Variants in ATP8A2 observed in about 807,000 individuals in gnomAD.
ATP8A2 encodes the protein phospholipid-transporting ATPase IB.
A neutral mutation model predicts 165.6 loss-of-function variants in ATP8A2; 100 were observed. The ratio of observed to expected loss-of-function variants is 0.60; its 90% confidence interval spans 0.51 to 0.71. ATP8A2 has a LOEUF of 0.71. Among genes scored for constraint, ATP8A2 ranks in the 30% least tolerant of loss-of-function variants. The pLI, the probability that ATP8A2 is intolerant of heterozygous loss-of-function variation, is 0.00. For synonymous variants in ATP8A2, 543 were observed against 548.8 expected (o/e 0.99, Z 0.15); for missense variants, 1,227 against 1,479.5 (o/e 0.83, Z 2.80).
At chr13:25,456,572 G>A (rs181168302) in intron 1 of ATP8A2, among the ~76,000 whole-genome samples, 1 of 152,314 alleles carries the variant, frequency 6.6e-6, no homozygotes, top group Admixed American at 6.5e-5. Flanking sequence ...ACATCTCAGA[G>A]GAGAGAAAGC....
At chr13:25,517,660 ACTAATAC>A (rs2037524299) in intron 2 of ATP8A2, among the ~76,000 whole-genome samples, 1 of 152,216 alleles carries the variant, frequency 6.6e-6, no homozygotes, top group Non-Finnish European at 1.5e-5. Context: ...CTAAAAGAGC[ACTAATAC>A]CTCTCCTGGT....
At chr13:25,401,127 C>T (rs544237670) in intron 1 of ATP8A2, among the ~76,000 whole-genome samples, 6 of 152,102 alleles carry the variant, frequency 3.9e-5, no homozygotes, top group South Asian at 2.1e-4. Context: ...CGGCACAGCT[C>T]GGAAATGAGA....
At chr13:25,552,841 C>T (rs2038864848) in intron 11 of ATP8A2, among the ~76,000 whole-genome samples, 1 of 152,050 alleles carries the variant, frequency 6.6e-6, no homozygotes. Flanking sequence ...CAGCATATGC[C>T]TGCTCCCCCT....
chr13:25,581,887 A>C lies in ATP8A2; in HGVS notation c.2076A>C (p.Ala692=). ...AAGCAGGAGTTCCAGAAACCATCGCAACACTGTTGAAGGCAGAAATTAAAA... is the reference window on the plus strand; with the variant it reads ...AAGCAGGAGTTCCAGAAACCATCGCCACACTGTTGAAGGCAGAAATTAAAA... ...RLQAGVPETI[A]TLLKAEIKIW... The change falls in exon 23 of 37, where the codon GCA becomes GCC. Residue 692 remains alanine (A), a synonymous_variant. Transcript: ENST00000381655. 1 of 1,613,944 alleles carries C rather than the reference A, an allele frequency of 6.2e-7. No homozygotes were observed. The highest frequency in any genetic ancestry group is 8.5e-7 in the Non-Finnish European group (1 of 1,179,804).
At chr13:25,905,991 A>C (rs1224235536) in intron 33 of ATP8A2, among the ~76,000 whole-genome samples, 1 of 151,898 alleles carries the variant, frequency 6.6e-6, no homozygotes, top group East Asian at 1.9e-4. Context: ...GAAATATTAC[A>C]CTTCTCCCAA....
intron 27 of ATP8A2, among the ~76,000 whole-genome samples, chr13:25,826,834 C>T (rs1037674691): frequency 2.0e-5 from 3 of 150,252 alleles, no homozygotes; most frequent in Admixed American, 6.6e-5. Context: ...TCTGTCCTCC[C>T]GGTGGCTCGG....
At chr13:26,017,925 G>T (rs570240953) in intron 36 of ATP8A2, among the ~76,000 whole-genome samples, 5 of 152,350 alleles carry the variant, frequency 3.3e-5, no homozygotes, top group African/African-American at 1.2e-4. Flanking sequence ...TTTTTGGTTT[G>T]TAGGTTTTGT....
chr13:25,944,834 T>C (rs967951936), intron 33 of ATP8A2: 28 of 152,352 alleles, frequency 1.8e-4, no homozygotes, highest in African/African-American at 6.7e-4. Context: ...GACTCTTGAA[T>C]TGGAGAGACC....
chr13:25,722,576 A>G (rs1396049583), intron 25 of ATP8A2, among the ~76,000 whole-genome samples: 3 of 152,178 alleles, frequency 2.0e-5, no homozygotes, highest in African/African-American at 4.8e-5. Context: ...CTTTCTACCC[A>G]TATCATCCAG....
intron 2 of ATP8A2, among the ~76,000 whole-genome samples, chr13:25,513,569 G>A (rs2137791460): frequency 6.6e-6 from 1 of 152,240 alleles, no homozygotes; most frequent in African/African-American, 2.4e-5. Context: ...GCCGGGCAGA[G>A]GCTGCAATCT....
At chr13:25,552,849 C>A (rs1296668577) in intron 11 of ATP8A2, among the ~76,000 whole-genome samples, 2 of 152,010 alleles carry the variant, frequency 1.3e-5, no homozygotes, top group Non-Finnish European at 2.9e-5. Context: ...GCCTGCTCCC[C>A]CTGTACCTTC....
intron 25 of ATP8A2, among the ~76,000 whole-genome samples, chr13:25,764,134 A>G (rs1237703324): frequency 6.6e-6 from 1 of 152,148 alleles, no homozygotes; most frequent in Non-Finnish European, 1.5e-5. Flanking sequence ...ACTTTATTTT[A>G]TAGTTAAATA....
chr13:25,473,638 C>G (rs1180941098), intron 2 of ATP8A2, among the ~76,000 whole-genome samples: 2 of 152,094 alleles, frequency 1.3e-5, no homozygotes, highest in Non-Finnish European at 2.9e-5. Context: ...TTCATCACCT[C>G]CAAAAGAAAT....
intron 1 of ATP8A2, among the ~76,000 whole-genome samples, chr13:25,460,991 T>C (rs865891355): frequency 5.9e-5 from 9 of 152,326 alleles, no homozygotes; most frequent in African/African-American, 2.2e-4. Flanking sequence ...ACAAAATGCC[T>C]TCTATCCAGG....
At chr13:25,411,535 T>C (rs1308552403) in intron 1 of ATP8A2, among the ~76,000 whole-genome samples, 1 of 152,182 alleles carries the variant, frequency 6.6e-6, no homozygotes, top group Non-Finnish European at 1.5e-5. Flanking sequence ...ATATTGTTGT[T>C]AGGAGACTGA....
At chr13:25,811,428 G>A (rs576964508) in intron 27 of ATP8A2, among the ~76,000 whole-genome samples, 2 of 152,250 alleles carry the variant, frequency 1.3e-5, no homozygotes, top group South Asian at 4.1e-4. Context: ...AGCTGGAGGC[G>A]TAGTATACGT....
At chr13:25,587,015 A>G (rs1593590867) in intron 23 of ATP8A2, among the ~76,000 whole-genome samples, 1 of 152,326 alleles carries the variant, frequency 6.6e-6, no homozygotes, top group East Asian at 1.9e-4. Flanking sequence ...CAACTATAGT[A>G]AAAAATGAAA....
chr13:25,396,695 A>G (rs1053618542), intron 1 of ATP8A2, among the ~76,000 whole-genome samples: 2 of 152,090 alleles, frequency 1.3e-5, no homozygotes, highest in African/African-American at 4.8e-5. Flanking sequence ...TGGGGCTGGA[A>G]ATTTCATGTT....
intron 25 of ATP8A2, among the ~76,000 whole-genome samples, chr13:25,704,867 T>C (rs2043023431): frequency 1.3e-5 from 2 of 152,228 alleles, no homozygotes; most frequent in Admixed American, 1.3e-4. Flanking sequence ...ATGTTCTATC[T>C]GAATAATATC....
Sources: allele counts gnomAD v4.1 joint callset (sites outside exome capture counted in the v4.1 genomes callset), GRCh38; gene constraint gnomAD v4.1.1; transcripts MANE v1.5; gene names NCBI Gene and HGNC (gene_info 2026-07-23, HGNC 2026-07-21).